The following VCL variants were observed in gnomAD, a reference collection of about 807,000 sequenced individuals.
VCL encodes the protein epididymis luminal protein 114.
Under a neutral mutation model 125.7 loss-of-function variants are expected in VCL, and 47 were observed. The observed-to-expected ratio is 0.37, with a 90% CI of 0.30 to 0.48. The LOEUF is 0.48. Ranked by LOEUF, VCL falls within the 20% of genes least tolerant of loss-of-function variation. The pLI is 0.99. For synonymous variants in VCL, 458 were observed against 514.6 expected, an observed-to-expected ratio of 0.89 and a Z score of 1.49; for missense variants, 1,069 against 1,455.5, an observed-to-expected ratio of 0.73 and a Z score of 4.32.
At chr10:74,113,177 T>C (rs1840256692) in intron 19 of VCL, among the ~76,000 whole-genome samples, 1 of 152,240 alleles carries the variant, frequency 6.6e-6, no homozygotes, top group Admixed American at 6.5e-5. Flanking sequence ...CCTGGACTTT[T>C]AGCTAGTTTT....
At chr10:74,080,924 C>G (rs534088308) in intron 6 of VCL, among the ~76,000 whole-genome samples, 1 of 152,066 alleles carries the variant, frequency 6.6e-6, no homozygotes, top group Admixed American at 6.6e-5. Flanking sequence ...TTGAAGGCAA[C>G]GTTTTCTGCA....
At position 74,071,781 on chromosome 10, in the gene VCL, G is replaced by A. The variant is rs985764147; in HGVS notation, c.499+698G>A. Among the ~76,000 whole-genome samples, 4 of 152,098 alleles carry A rather than the reference G, an allele frequency of 2.6e-5. No individual in the cohort carries two copies. Among genetic ancestry groups the A allele is most frequent in the Admixed American group, 2.0e-4 (3 of 15,266 alleles). ...GTGAAATGTTGATTTTTAATTAACA[G>A]CATTTTTATGAGGTTCCAGTGTAGG... is the stretch of plus-strand genomic sequence containing the variant. On this transcript the variant is annotated intron_variant, in intron 4 of 21. Transcript: ENST00000211998. The surrounding 1 kb of genome is among the most constrained non-coding windows in gnomAD (Gnocchi z 4.1).
chr10:74,027,206 C>T (rs1243613857), intron 1 of VCL, among the ~76,000 whole-genome samples: 2 of 152,084 alleles, frequency 1.3e-5, no homozygotes, highest in African/African-American at 2.4e-5. Context: ...GGTATTCACA[C>T]ATATTTCCTT....
At chr10:74,065,444 C>T (rs1441625932) in intron 2 of VCL, among the ~76,000 whole-genome samples, 2 of 152,022 alleles carry the variant, frequency 1.3e-5, no homozygotes, top group African/African-American at 4.8e-5. Context: ...GCCCCCAGCA[C>T]TTTAGGAGTC....
At chr10:74,112,615 T>C (rs1011057581) in intron 19 of VCL, among the ~76,000 whole-genome samples, 2 of 152,058 alleles carry the variant, frequency 1.3e-5, no homozygotes, top group African/African-American at 2.4e-5. Context: ...ATGTGGCAGA[T>C]GCTGGCCTTG....
Position 74,070,720 on chromosome 10 carries a change from C to T in VCL, c.290C>T (p.Ser97Leu). The T allele has an allele frequency of 6.2e-7, 1 of 1,614,150 alleles. No individual in the cohort carries two copies. The highest frequency in any genetic ancestry group is 8.5e-7 in the Non-Finnish European group (1 of 1,180,034). The change falls in exon 3 of 22, where the codon TCA becomes TTA. Residue 97 changes from serine (S) to leucine (L), a missense_variant. Coordinates refer to ENST00000211998, the MANE Select transcript of VCL (RefSeq NM_014000.3). ...GTCCAGGCAGCTCAGATGCTTCAGT[C>T]AGACCCTTACTCAGTGCCTGCTCGA... ...KLVQAAQMLQSDPYSVPARDY... is the reference protein window; with the variant it reads ...KLVQAAQMLQLDPYSVPARDY...
intron 9 of VCL, 26 bp downstream of exon 9, chr10:74,089,375 G>A: frequency 6.2e-7 from 1 of 1,612,724 alleles, no homozygotes; most frequent in Non-Finnish European, 8.5e-7. Flanking sequence ...TTCAGGAGGG[G>A]TGGGAAATAT....
chr10:74,092,604 A>C (rs910298494), intron 10 of VCL, among the ~76,000 whole-genome samples: 2 of 151,956 alleles, frequency 1.3e-5, no homozygotes, highest in African/African-American at 4.8e-5. Context: ...GACTTAGTTT[A>C]TTTATCTGGG....
intron 19 of VCL, 82 bp from the exon 20 acceptor site, chr10:74,114,101 TC>T (rs1591719879): frequency 1.3e-6 from 2 of 1,549,890 alleles, no homozygotes; most frequent in African/African-American, 1.4e-5. Flanking sequence ...GCAAGCTCCC[TC>T]CTCTTCTCTG....
chr10:74,076,263 G>A (rs534938196), intron 6 of VCL: 1 of 152,786 alleles, frequency 6.5e-6, no homozygotes, highest in South Asian at 2.1e-4. Context: ...GGGACTCTAG[G>A]CAGTGCTGGG....
chr10:74,024,373 G>A (rs1475658098), intron 1 of VCL, among the ~76,000 whole-genome samples: 1 of 152,144 alleles, frequency 6.6e-6, no homozygotes, highest in Non-Finnish European at 1.5e-5. Context: ...CATTTTGGGA[G>A]GCCAAGGTGG....
downstream of VCL, chr10:74,120,896 A>AGAGT (rs1840430006): frequency 6.6e-6 from 1 of 152,198 alleles, no homozygotes; most frequent in African/African-American, 2.4e-5. Context: ...GCTATAAAAC[A>AGAGT]GAGTTAGCTT....
At chr10:74,070,949 T>C (rs768927338) in intron 3 of VCL, 26 bp from the exon 4 acceptor site, 3 of 1,613,592 alleles carry the variant, frequency 1.9e-6, no homozygotes, top group East Asian at 4.5e-5. Flanking sequence ...ACCCATGTGA[T>C]TGAATACTCT....
At chr10:74,039,457 C>T (rs1841051661) in intron 1 of VCL, among the ~76,000 whole-genome samples, 1 of 151,992 alleles carries the variant, frequency 6.6e-6, no homozygotes, top group African/African-American at 2.4e-5. Flanking sequence ...GCTCTCCCCT[C>T]ACCACCTAAA....
In VCL at chr10:74,097,840, C is replaced by T. The variant is rs574704087; in HGVS notation, c.1872+508C>T. On this transcript the variant is annotated intron_variant, in intron 13 of 21. Transcript: ENST00000211998. The surrounding 1 kb of genome is among the most constrained non-coding windows in gnomAD (Gnocchi z 4.1). ...ACTCCCCGCTATCCCAGAGTAAAAC[C>T]AGAGTGCTAACAATGAAGAAAATTG... Among the ~76,000 whole-genome samples the T allele has an allele frequency of 1.3e-5, 2 of 152,134 alleles. No individual in the cohort carries two copies. Among genetic ancestry groups the T allele is most frequent in the Admixed American group, 6.5e-5 (1 of 15,276 alleles).
intron 2 of VCL, among the ~76,000 whole-genome samples, chr10:74,067,664 C>T (rs138887806): frequency 4.5e-4 from 69 of 152,146 alleles, no homozygotes; most frequent in Non-Finnish European, 9.3e-4. Context: ...ATTATTCAGC[C>T]ATAAAAAAAG....
chr10:74,019,393 C>G (rs7090820), intron 1 of VCL, among the ~76,000 whole-genome samples: 52,860 of 152,032 alleles, frequency 0.35, 11,163 homozygotes, highest in Non-Finnish European at 0.48. Flanking sequence ...TCCTAATGCT[C>G]TCCCTCCCCT....
At chr10:74,038,844 A>G (rs1351069250) in intron 1 of VCL, among the ~76,000 whole-genome samples, 1 of 152,122 alleles carries the variant, frequency 6.6e-6, no homozygotes, top group African/African-American at 2.4e-5. Flanking sequence ...TTTGCCATAT[A>G]TCAGCCTTCT....
chr10:74,092,776 C>T (rs913780168), intron 10 of VCL, among the ~76,000 whole-genome samples: 1 of 152,128 alleles, frequency 6.6e-6, no homozygotes, highest in Non-Finnish European at 1.5e-5. Context: ...CCCCTTGACC[C>T]CACCGCAGAC....
Sources: gnomAD v4.1 joint callset for allele counts (sites outside exome capture counted in the v4.1 genomes callset) on GRCh38, gnomAD v4.1.1 for gene constraint, Gnocchi (gnomAD v3.1) non-coding constraint, MANE v1.5 for transcripts, NCBI Gene and HGNC (gene_info 2026-07-23, HGNC 2026-07-21) for gene names.